Variants in ROBO2 observed in about 807,000 individuals in gnomAD.
The protein encoded by ROBO2 is roundabout homolog 2.
ROBO2 carries 53 observed loss-of-function variants against 160.8 expected under a neutral mutation model. That is an observed-to-expected ratio of 0.33 (90% CI 0.26 to 0.41). The LOEUF (loss-of-function observed/expected upper bound fraction) is 0.41. Ranked by LOEUF, ROBO2 falls within the 10% of genes least tolerant of loss-of-function variation. The probability of loss-of-function intolerance (pLI) is 1.00; values close to 1 mark genes in which losing one functional copy is unlikely to be tolerated. For missense variants in ROBO2, 1,577 were observed against 1,722.4 expected (o/e 0.92, Z 1.49); for synonymous variants, 664 against 611.7 (o/e 1.09, Z -1.26).
chr3:76,530,313 A>C (rs1169284286), intron 2 of ROBO2, among the ~76,000 whole-genome samples: 1 of 152,164 alleles, frequency 6.6e-6, no homozygotes, highest in African/African-American at 2.4e-5. Flanking sequence ...GATTTGTCTC[A>C]TTTTAAGTTC....
chr3:77,237,445 G>GTGTGTGTGTGTGTGTGTGT (rs1553862748), intron 2 of ROBO2, among the ~76,000 whole-genome samples: 2 of 147,026 alleles, frequency 1.4e-5, no homozygotes, highest in Non-Finnish European at 1.5e-5. Context: ...GTGTGTGTGT[G>GTGTGTGTGTGTGTGTGTGT]GTGGTGATAA....
At chr3:76,872,289 C>A (rs1364525364) in intron 2 of ROBO2, among the ~76,000 whole-genome samples, 2 of 151,852 alleles carry the variant, frequency 1.3e-5, no homozygotes, top group Non-Finnish European at 2.9e-5. Context: ...TGTATCATGA[C>A]CTGAAAAATT....
intron 2 of ROBO2, among the ~76,000 whole-genome samples, chr3:75,988,105 A>G (rs1445703530): frequency 6.6e-6 from 1 of 152,004 alleles, no homozygotes; most frequent in East Asian, 1.9e-4. Flanking sequence ...GACTGGCGTT[A>G]TTATAGTTCT....
At chr3:76,707,175 C>T (rs2107545643) in intron 2 of ROBO2, among the ~76,000 whole-genome samples, 1 of 152,184 alleles carries the variant, frequency 6.6e-6, no homozygotes, top group African/African-American at 2.4e-5. Context: ...AAGAGCATTA[C>T]TCTTGCAGGA....
intron 2 of ROBO2, among the ~76,000 whole-genome samples, chr3:76,589,286 A>G (rs2108806261): frequency 6.6e-6 from 1 of 152,238 alleles, no homozygotes; most frequent in East Asian, 1.9e-4. Flanking sequence ...AATATAAGAA[A>G]TAAACACTTG....
At chr3:76,055,488 TC>T (rs973150182) in intron 2 of ROBO2, among the ~76,000 whole-genome samples, 2 of 152,178 alleles carry the variant, frequency 1.3e-5, no homozygotes, top group African/African-American at 4.8e-5. Flanking sequence ...TAACCCTCAT[TC>T]CCCTGTCGCC....
At chr3:77,029,517 G>A (rs1426589546) in intron 2 of ROBO2, among the ~76,000 whole-genome samples, 1 of 152,176 alleles carries the variant, frequency 6.6e-6, no homozygotes, top group East Asian at 1.9e-4. Context: ...TCTATTTGCT[G>A]CCATAGGCAA....
chr3:76,799,378 A>T (rs2064026135), intron 2 of ROBO2, among the ~76,000 whole-genome samples: 1 of 152,178 alleles, frequency 6.6e-6, no homozygotes, highest in Admixed American at 6.5e-5. Context: ...TTCTAGCTAA[A>T]GCAATCCAAC....
intron 2 of ROBO2, among the ~76,000 whole-genome samples, chr3:76,579,771 A>C (rs1219498508): frequency 7.5e-6 from 1 of 133,940 alleles, no homozygotes; most frequent in Non-Finnish European, 1.6e-5. Context: ...AAAAGCTATG[A>C]CTTTGGTTGA....
At chr3:76,407,211 G>A (rs771267467) in intron 2 of ROBO2, among the ~76,000 whole-genome samples, 3 of 151,614 alleles carry the variant, frequency 2.0e-5, no homozygotes, top group African/African-American at 7.3e-5. Context: ...TACATTTTAC[G>A]TAGAGAGACC....
chr3:75,910,218 C>T (rs1946511627), intron 1 of ROBO2, among the ~76,000 whole-genome samples: 1 of 152,150 alleles, frequency 6.6e-6, no homozygotes, highest in Non-Finnish European at 1.5e-5. Context: ...AGAATCACTG[C>T]ACCCTTGGAC....
intron 2 of ROBO2, among the ~76,000 whole-genome samples, chr3:76,047,089 G>A (rs181113372): frequency 6.6e-6 from 1 of 152,228 alleles, no homozygotes; most frequent in East Asian, 1.9e-4. Context: ...CTCTATCGAT[G>A]CTGTACTTAA....
At chr3:77,599,392 G>A (rs1444318713) in intron 19 of ROBO2, among the ~76,000 whole-genome samples, 5 of 149,958 alleles carry the variant, frequency 3.3e-5, no homozygotes, top group Non-Finnish European at 5.9e-5. Context: ...AATAAGAATG[G>A]ATACTGACAT....
intron 2 of ROBO2, among the ~76,000 whole-genome samples, chr3:77,122,413 G>A (rs74539898): frequency 0.067 from 10,142 of 152,200 alleles, 394 homozygotes; most frequent in East Asian, 0.14. Context: ...CATCCATGCC[G>A]ATGTGTAAAT....
intron 2 of ROBO2, among the ~76,000 whole-genome samples, chr3:77,260,245 T>C: frequency 6.6e-6 from 1 of 152,228 alleles, no homozygotes; most frequent in Middle Eastern, 3.4e-3. Context: ...CTTTTTCAAT[T>C]TACTGAATAT....
At chr3:76,721,366 T>G (rs2107718628) in intron 2 of ROBO2, among the ~76,000 whole-genome samples, 1 of 152,326 alleles carries the variant, frequency 6.6e-6, no homozygotes, top group African/African-American at 2.4e-5. Context: ...TAAAGTAGCA[T>G]ATTTCTGATG....
intron 2 of ROBO2, among the ~76,000 whole-genome samples, chr3:76,070,815 A>C (rs1013672271): frequency 6.6e-6 from 1 of 152,136 alleles, no homozygotes; most frequent in Non-Finnish European, 1.5e-5. Context: ...CACTTAGGGA[A>C]AATAGAAAAG....
chr3:77,039,094 G>T (rs1200175036), upstream of ROBO2, among the ~76,000 whole-genome samples: 1 of 152,218 alleles, frequency 6.6e-6, no homozygotes, highest in East Asian at 1.9e-4. Context: ...CATAAGAGGG[G>T]CTGCCTCCCC....
At position 76,996,284 on chromosome 3, in the gene ROBO2, G is replaced by A. The variant is rs562234711; in HGVS notation, c.110-101730G>A. 4.6e-5 allele frequency among the ~76,000 whole-genome samples: 7 copies of A among 152,182 alleles called. No individual in the cohort carries two copies. The South Asian group carries it at 1.2e-3, about 27-fold the overall frequency. ...TGTAGACATGTGGCATTATTTCTGA[G>A]GGCTCTGTTCTGTCCCATTGGTCTA... On this transcript the variant is annotated intron_variant, in intron 2 of 26. Coordinates refer to the ROBO2 transcript ENST00000487694.
Sources: gnomAD v4.1 joint callset for allele counts (sites outside exome capture counted in the v4.1 genomes callset) on GRCh38, gnomAD v4.1.1 for gene constraint, MANE v1.5 for transcripts, NCBI Gene and HGNC (gene_info 2026-07-23, HGNC 2026-07-21) for gene names.